EYS: variants seen among roughly 807,000 people sequenced by gnomAD.
EYS encodes the protein protein eyes shut homolog.
EYS carries 250 observed loss-of-function variants against 282.1 expected under a neutral mutation model. That is an observed-to-expected ratio of 0.89 (90% CI 0.80 to 0.98). EYS has a LOEUF of 0.98. EYS is among the 50% of genes least tolerant of loss of function. The pLI is 0.00. For synonymous variants in EYS, 1,355 were observed against 1,282.9 expected (o/e 1.06, Z -1.20); for missense variants, 4,016 against 3,709.0 (o/e 1.08, Z -2.15).
At chr6:64,230,005 C>G (rs1273228512) in intron 31 of EYS, among the ~76,000 whole-genome samples, 1 of 152,128 alleles carries the variant, frequency 6.6e-6, no homozygotes, top group African/African-American at 2.4e-5. Flanking sequence ...TGTAATCTGT[C>G]CAGGGTGTTT....
chr6:64,796,663 C>T (rs1453974029), intron 22 of EYS, among the ~76,000 whole-genome samples: 1 of 152,136 alleles, frequency 6.6e-6, no homozygotes, highest in African/African-American at 2.4e-5. Context: ...GGTATCCAAA[C>T]TTCCATATTT....
intron 12 of EYS, among the ~76,000 whole-genome samples, chr6:65,114,836 T>A (rs1775321507): frequency 6.6e-6 from 1 of 151,998 alleles, no homozygotes; most frequent in African/African-American, 2.4e-5. Context: ...GTACTTTATA[T>A]TTTACCACAA....
chr6:64,537,096 C>T (rs568464631), intron 26 of EYS, among the ~76,000 whole-genome samples: 2 of 150,570 alleles, frequency 1.3e-5, no homozygotes, highest in African/African-American at 2.4e-5. Context: ...CATGCTGGTG[C>T]GCTGCACCCA....
intron 2 of EYS, among the ~76,000 whole-genome samples, chr6:65,511,752 A>C (rs1221336786): frequency 6.6e-6 from 1 of 152,082 alleles, no homozygotes; most frequent in African/African-American, 2.4e-5. Flanking sequence ...CAGAAGTTCA[A>C]GACCAGCCTG....
chr6:65,146,551 A>G (rs910467426), intron 12 of EYS, among the ~76,000 whole-genome samples: 3 of 151,924 alleles, frequency 2.0e-5, no homozygotes, highest in African/African-American at 7.2e-5. Context: ...TCTTCAAGTA[A>G]TCCTTGCTTT....
chr6:64,307,084 TGA>T lies in EYS; in HGVS notation c.6079-4_6079-3del, dbSNP rs35395170. 0.54 allele frequency: 468,279 copies of T among 860,580 alleles called. 81,349 individuals are homozygous for T. Among genetic ancestry groups the T allele is most frequent in the African/African-American group, 0.63 (36,507 of 58,334 alleles). The allele number at this position is 860,580 out of a possible 1,614,324, so 53.3% of individuals were successfully genotyped here. On this transcript the variant is annotated splice_region_variant and splice_polypyrimidine_tract_variant and intron_variant, in intron 29 of 42. Coordinates refer to ENST00000503581, the MANE Select transcript of EYS (RefSeq NM_001142800.2). ...AAAATTCTTGACTGGTACAGGCATC[TGA>T]GAGAGAGAGAGAGAGAGAGAAGTAG...
intron 22 of EYS, among the ~76,000 whole-genome samples, chr6:64,714,627 A>G (rs1684338812): frequency 6.7e-6 from 1 of 148,688 alleles, no homozygotes. Context: ...CCGGGTTCAC[A>G]CCACTCTCCT....
Position 64,759,539 on chromosome 6 carries a change from A to G in EYS, c.3443+53839T>C, listed in dbSNP as rs373147509. 7.9e-5 allele frequency among the ~76,000 whole-genome samples: 12 copies of G among 152,356 alleles called. No individual in the cohort carries two copies. In the East Asian group the frequency reaches 2.1e-3, roughly 27 times the overall value. ...CAAATATAACTAATAATTTAATTAC[A>G]CTTATGCTCTTAGTTCAACATGTAA... On this transcript the variant is annotated intron_variant, in intron 22 of 42. Transcript: ENST00000503581.
intron 5 of EYS, among the ~76,000 whole-genome samples, chr6:65,418,781 C>A (rs567031085): frequency 6.6e-5 from 10 of 151,912 alleles, no homozygotes; most frequent in Non-Finnish European, 1.0e-4. Context: ...CAAACGTATA[C>A]CTGTGTAACA....
chr6:65,473,994 C>A (rs1027995653), intron 5 of EYS, among the ~76,000 whole-genome samples: 1 of 151,892 alleles, frequency 6.6e-6, no homozygotes, highest in Admixed American at 6.6e-5. Context: ...ATTTTCCTTG[C>A]AGTTAAGGAG....
chr6:65,116,053 T>C (rs1775366151), intron 12 of EYS, among the ~76,000 whole-genome samples: 1 of 152,064 alleles, frequency 6.6e-6, no homozygotes, highest in African/African-American at 2.4e-5. Context: ...TGGCTTGACA[T>C]CTAAAACAAA....
At chr6:64,983,731 A>AT (rs566370249) in intron 14 of EYS, among the ~76,000 whole-genome samples, 406 of 149,064 alleles carry the variant, frequency 2.7e-3, no homozygotes, top group Admixed American at 4.3e-3. Context: ...TTTCTAGGTA[A>AT]TTTTTTTTTT....
At chr6:64,903,515 T>C (rs1199438229) in intron 16 of EYS, among the ~76,000 whole-genome samples, 1 of 152,172 alleles carries the variant, frequency 6.6e-6, no homozygotes, top group African/African-American at 2.4e-5. Flanking sequence ...TTACAGTACA[T>C]GTCCTTTATC....
intron 12 of EYS, among the ~76,000 whole-genome samples, chr6:65,082,616 GA>G (rs1196290205): frequency 6.6e-6 from 1 of 151,986 alleles, no homozygotes; most frequent in African/African-American, 2.4e-5. Context: ...TTATTGCATT[GA>G]AAATGAACAG....
intron 22 of EYS, among the ~76,000 whole-genome samples, chr6:64,655,640 A>C (rs1346285857): frequency 6.6e-6 from 1 of 152,108 alleles, no homozygotes; most frequent in Non-Finnish European, 1.5e-5. Context: ...CTACAAATGC[A>C]TTACATAACC....
chr6:64,383,712 G>T (rs555555910), intron 29 of EYS, among the ~76,000 whole-genome samples: 12 of 152,174 alleles, frequency 7.9e-5, no homozygotes, highest in Admixed American at 2.0e-4. Flanking sequence ...TTTACACATT[G>T]TTGGACAGAA....
intron 31 of EYS, among the ~76,000 whole-genome samples, chr6:64,191,510 G>C (rs1366621732): frequency 6.9e-6 from 1 of 145,560 alleles, no homozygotes; most frequent in Non-Finnish European, 1.5e-5. Context: ...CCCAGAGTGT[G>C]ATGTTCCCCT....
At chr6:64,469,144 C>T (rs1776027578) in intron 26 of EYS, among the ~76,000 whole-genome samples, 1 of 152,116 alleles carries the variant, frequency 6.6e-6, no homozygotes, top group East Asian at 1.9e-4. Flanking sequence ...TTCTCTGCAA[C>T]CTCGCGAGCA....
chr6:64,382,791 T>C (rs761465892), intron 29 of EYS, among the ~76,000 whole-genome samples: 2 of 152,092 alleles, frequency 1.3e-5, no homozygotes, highest in Non-Finnish European at 2.9e-5. Flanking sequence ...TTCCGGACTA[T>C]TGGCACTCAA....
Sources: allele counts gnomAD v4.1 joint callset (sites outside exome capture counted in the v4.1 genomes callset), GRCh38; gene constraint gnomAD v4.1.1; transcripts MANE v1.5; gene names NCBI Gene and HGNC (gene_info 2026-07-23, HGNC 2026-07-21).